Variants in MYO1D observed in about 807,000 individuals in gnomAD.
The protein encoded by MYO1D is unconventional myosin-Id.
Under a neutral mutation model 122.0 loss-of-function variants are expected in MYO1D, and 83 were observed. That is an observed-to-expected ratio of 0.68 (90% CI 0.57 to 0.82). The LOEUF is 0.82. Ranked by LOEUF, MYO1D falls within the 40% of genes least tolerant of loss-of-function variation. The pLI, the probability that MYO1D is intolerant of heterozygous loss-of-function variation, is 0.00. For missense variants in MYO1D, 1,157 were observed against 1,269.5 expected (o/e 0.91, Z 1.35); for synonymous variants, 464 against 446.9 (o/e 1.04, Z -0.48).
chr17:32,522,808 TC>T, intron 21 of MYO1D, among the ~76,000 whole-genome samples: 1 of 136,044 alleles, frequency 7.4e-6, no homozygotes, highest in East Asian at 2.2e-4. Flanking sequence ...AGTCTTAGTG[TC>T]CCCCATGTCT....
At chr17:32,596,093 C>T (rs1002394992) in intron 21 of MYO1D, among the ~76,000 whole-genome samples, 4 of 152,116 alleles carry the variant, frequency 2.6e-5, no homozygotes, top group African/African-American at 4.8e-5. Context: ...CTTTTCTGTC[C>T]CCCATAAGTC....
chr17:32,781,307 ATTTT>A (rs566382517), intron 1 of MYO1D, among the ~76,000 whole-genome samples: 2 of 152,078 alleles, frequency 1.3e-5, no homozygotes, highest in African/African-American at 4.8e-5. Context: ...AATCAAACTT[ATTTT>A]TTTATGACTG....
chr17:32,514,384 C>T (rs976273398), intron 21 of MYO1D, among the ~76,000 whole-genome samples: 14 of 152,086 alleles, frequency 9.2e-5, no homozygotes, highest in Non-Finnish European at 1.8e-4. Flanking sequence ...TAAGCCACCG[C>T]GGATGCCCAA....
At chr17:32,829,035 G>A (rs2090749116) in intron 1 of MYO1D, among the ~76,000 whole-genome samples, 1 of 152,152 alleles carries the variant, frequency 6.6e-6, no homozygotes, top group Admixed American at 6.5e-5. Context: ...ACAGACAGGA[G>A]AAAATAAGTT....
chr17:32,522,923 T>A (rs1567876341), intron 21 of MYO1D, among the ~76,000 whole-genome samples: 11 of 151,952 alleles, frequency 7.2e-5, no homozygotes. Flanking sequence ...TTCACGCCAT[T>A]CTCCTGCCTC....
chr17:32,568,518 A>G (rs1326436264), intron 21 of MYO1D, among the ~76,000 whole-genome samples: 1 of 151,940 alleles, frequency 6.6e-6, no homozygotes, highest in Non-Finnish European at 1.5e-5. Context: ...TAACCTATCA[A>G]CCCCCTTTGC....
intron 12 of MYO1D, chr17:32,745,718 C>G (rs891591456): frequency 6.3e-6 from 1 of 157,944 alleles, no homozygotes; most frequent in African/African-American, 2.4e-5. Flanking sequence ...ATTGGATAAG[C>G]AGAGGAGAAA....
rs932226334 is a variant in MYO1D, at chr17:32,810,084, T to G, written c.96-29300A>C. On this transcript the variant is annotated intron_variant, in intron 1 of 21. Transcript: ENST00000318217. ...GAGCAGGAAGCAGCCAGGAGAATGA[T>G]GTGGCTGAAAGGTGTACATGAACAC... is the stretch of plus-strand genomic sequence containing the variant. 4.6e-5 allele frequency among the ~76,000 whole-genome samples: 7 copies of G among 152,058 alleles called. 1 individual carries two copies. The South Asian group carries it at 6.2e-4, about 14-fold the overall frequency.
chr17:32,634,668 C>T lies in MYO1D; in HGVS notation c.2709+4054G>A, dbSNP rs2088072954. On this transcript the variant is annotated intron_variant, in intron 20 of 21. Transcript: ENST00000318217. Reference sequence around the variant, plus strand: ...CGTTCAAGAATGATTAGACAAACTACCAAATTGCAACATCAGCTGAGTTTT... The same window carrying T: ...CGTTCAAGAATGATTAGACAAACTATCAAATTGCAACATCAGCTGAGTTTT... 5.9e-5 allele frequency among the ~76,000 whole-genome samples: 9 copies of T among 152,288 alleles called. 1 individual carries two copies. The South Asian group carries it at 1.9e-3, about 32-fold the overall frequency.
At chr17:32,500,766 G>A (rs1021936296) in intron 21 of MYO1D, among the ~76,000 whole-genome samples, 8 of 152,152 alleles carry the variant, frequency 5.3e-5, no homozygotes, top group African/African-American at 1.9e-4. Flanking sequence ...CAGCACTTTG[G>A]GAGGCCGAGG....
At chr17:32,743,713 G>A (rs1323223585) in intron 13 of MYO1D, among the ~76,000 whole-genome samples, 1 of 151,862 alleles carries the variant, frequency 6.6e-6, no homozygotes, top group Non-Finnish European at 1.5e-5. Context: ...CGCCTCCCAG[G>A]TTCATGCCAT....
intron 20 of MYO1D, among the ~76,000 whole-genome samples, chr17:32,627,416 C>T (rs868031134): frequency 6.6e-6 from 1 of 152,090 alleles, no homozygotes; most frequent in African/African-American, 2.4e-5. Flanking sequence ...CACAGACCGG[C>T]GGGCGGATGG....
intron 1 of MYO1D, among the ~76,000 whole-genome samples, chr17:32,859,983 A>G (rs986660131): frequency 6.6e-6 from 1 of 152,156 alleles, no homozygotes; most frequent in African/African-American, 2.4e-5. Flanking sequence ...TCCTCTTACC[A>G]GTGGCAGGTT....
chr17:32,818,307 C>T (rs2090631189), intron 1 of MYO1D, among the ~76,000 whole-genome samples: 1 of 151,992 alleles, frequency 6.6e-6, no homozygotes, highest in South Asian at 2.1e-4. Context: ...GCTGCTGCCC[C>T]TGCAGTCTCT....
chr17:32,747,991 AC>A (rs2089855589), intron 12 of MYO1D, among the ~76,000 whole-genome samples: 1 of 152,100 alleles, frequency 6.6e-6, no homozygotes, highest in Admixed American at 6.6e-5. Context: ...CTCTACAGGA[AC>A]CTCCAGAGAG....
intron 1 of MYO1D, among the ~76,000 whole-genome samples, chr17:32,849,724 T>C (rs2090969249): frequency 6.6e-6 from 1 of 151,846 alleles, no homozygotes; most frequent in African/African-American, 2.4e-5. Flanking sequence ...GATGACGAGT[T>C]AGTGGGTGCA....
At chr17:32,547,452 C>G (rs1485989304) in intron 21 of MYO1D, among the ~76,000 whole-genome samples, 1 of 152,198 alleles carries the variant, frequency 6.6e-6, no homozygotes, top group Non-Finnish European at 1.5e-5. Context: ...TAAATAAATG[C>G]CACGCTTTTC....
At chr17:32,683,880 T>A (rs933625808) in intron 16 of MYO1D, among the ~76,000 whole-genome samples, 1 of 151,876 alleles carries the variant, frequency 6.6e-6, no homozygotes, top group Non-Finnish European at 1.5e-5. Flanking sequence ...CTCAGACTGC[T>A]GTGCTAGCAA....
chr17:32,851,420 T>C (rs1459825423), intron 1 of MYO1D, among the ~76,000 whole-genome samples: 2 of 152,166 alleles, frequency 1.3e-5, no homozygotes, highest in African/African-American at 2.4e-5. Flanking sequence ...CCTAAGACTC[T>C]TCACCTTTAA....
Sources: allele counts gnomAD v4.1 joint callset (sites outside exome capture counted in the v4.1 genomes callset), GRCh38; gene constraint gnomAD v4.1.1; transcripts MANE v1.5; gene names NCBI Gene and HGNC (gene_info 2026-07-23, HGNC 2026-07-21).